The following SEM1 variants were observed in gnomAD, a reference collection of about 807,000 sequenced individuals.
SEM1 encodes 26S proteasome complex subunit SEM1.
Under a neutral mutation model 12.7 loss-of-function variants are expected in SEM1, and 3 were observed. The observed-to-expected ratio is 0.24, with a 90% CI of 0.11 to 0.61. The LOEUF (loss-of-function observed/expected upper bound fraction) is 0.61. SEM1 is among the 20% of genes least tolerant of loss of function. SEM1 has a pLI of 0.88. For synonymous variants in SEM1, 30 were observed against 27.8 expected (o/e 1.08, Z -0.25); for missense variants, 59 against 81.3 (o/e 0.73, Z 1.06).
intron 2 of SEM1, among the ~76,000 whole-genome samples, chr7:96,584,813 C>T (rs1326538629): frequency 2.0e-5 from 3 of 151,974 alleles, no homozygotes; most frequent in Non-Finnish European, 4.4e-5. Flanking sequence ...TGGTTTTCAG[C>T]TCCATCAGCT....
downstream of SEM1, among the ~76,000 whole-genome samples, chr7:96,620,639 A>G (rs1192523382): frequency 6.6e-6 from 1 of 152,094 alleles, no homozygotes; most frequent in Non-Finnish European, 1.5e-5. Flanking sequence ...AGCTGTCGCA[A>G]ACTCTCTCCT....
chr7:96,643,152 T>A (rs990806544), intron 2 of SEM1, among the ~76,000 whole-genome samples: 4 of 152,006 alleles, frequency 2.6e-5, no homozygotes, highest in African/African-American at 9.7e-5. Flanking sequence ...CACATATGTG[T>A]CCATGTGTTC....
At chr7:96,589,541 G>C (rs1806762167) in intron 2 of SEM1, among the ~76,000 whole-genome samples, 1 of 152,112 alleles carries the variant, frequency 6.6e-6, no homozygotes, top group South Asian at 2.1e-4. Flanking sequence ...CCCACCTGCT[G>C]CCACTGCTGA....
intron 2 of SEM1, chr7:96,664,127 T>G (rs986464782): frequency 1.3e-5 from 2 of 152,218 alleles, no homozygotes; most frequent in Admixed American, 6.5e-5. Flanking sequence ...GTTATATATC[T>G]GTTTGCTTTC....
chr7:96,619,965 C>T (rs1316858606), downstream of SEM1, among the ~76,000 whole-genome samples: 1 of 152,112 alleles, frequency 6.6e-6, no homozygotes, highest in Admixed American at 6.5e-5. Context: ...CCCTCCCAAG[C>T]AGGTAGCATG....
intron 2 of SEM1, among the ~76,000 whole-genome samples, chr7:96,665,996 T>C (rs1444705464): frequency 6.6e-6 from 1 of 152,192 alleles, no homozygotes; most frequent in Non-Finnish European, 1.5e-5. Context: ...CAAGTTCATA[T>C]GACTTCAAGT....
At chr7:96,703,972 AAC>A (rs67174798) in intron 1 of SEM1, among the ~76,000 whole-genome samples, 9,334 of 142,068 alleles carry the variant, frequency 0.066, 407 homozygotes, top group South Asian at 0.15. Context: ...GTCTCTTAAA[AAC>A]ACACACACAC....
chr7:96,595,972 C>A (rs997010680), intron 2 of SEM1, among the ~76,000 whole-genome samples: 3 of 152,236 alleles, frequency 2.0e-5, no homozygotes, highest in Admixed American at 6.5e-5. Context: ...AGCTATGCAG[C>A]CTTTGCAGGC....
At chr7:96,594,461 A>G (rs575331396) in intron 2 of SEM1, among the ~76,000 whole-genome samples, 1 of 152,118 alleles carries the variant, frequency 6.6e-6, no homozygotes, top group Non-Finnish European at 1.5e-5. Flanking sequence ...TTGAATGACT[A>G]TGTCTTTGGC....
At chr7:96,529,679 AG>A (rs1362415987) in intron 2 of SEM1, among the ~76,000 whole-genome samples, 3 of 152,164 alleles carry the variant, frequency 2.0e-5, no homozygotes, top group African/African-American at 7.2e-5. Context: ...AGTACAGAAA[AG>A]TCTCATTTCT....
chr7:96,644,945 T>G (rs190419497), intron 2 of SEM1, among the ~76,000 whole-genome samples: 1 of 152,100 alleles, frequency 6.6e-6, no homozygotes, highest in African/African-American at 2.4e-5. Flanking sequence ...ATTCCAAGAG[T>G]TTTTATATAC....
chr7:96,501,828 C>T (rs542447030), intron 3 of SEM1, among the ~76,000 whole-genome samples: 1 of 152,250 alleles, frequency 6.6e-6, no homozygotes, highest in Non-Finnish European at 1.5e-5. Flanking sequence ...CACCCAGGTA[C>T]TGAATGTAGT....
At chr7:96,587,305 A>C (rs1372536525) in intron 2 of SEM1, among the ~76,000 whole-genome samples, 1 of 152,180 alleles carries the variant, frequency 6.6e-6, no homozygotes, top group East Asian at 1.9e-4. Flanking sequence ...TATTTTGGGC[A>C]CTAATTTCCA....
At chr7:96,485,990 T>C (rs1802738728) in intron 2 of SEM1, among the ~76,000 whole-genome samples, 1 of 152,096 alleles carries the variant, frequency 6.6e-6, no homozygotes, top group Non-Finnish European at 1.5e-5. Context: ...GTTTTTCTGA[T>C]ATGTGATAAG....
downstream of SEM1, among the ~76,000 whole-genome samples, chr7:96,617,798 T>A (rs1807765943): frequency 6.6e-6 from 1 of 152,328 alleles, no homozygotes; most frequent in South Asian, 2.1e-4. Flanking sequence ...GAGATTATCA[T>A]ATATTTTTTG....
At chr7:96,578,989 T>C (rs1450602757) in intron 2 of SEM1, among the ~76,000 whole-genome samples, 1 of 152,186 alleles carries the variant, frequency 6.6e-6, no homozygotes, top group Non-Finnish European at 1.5e-5. Context: ...GTCACAATTA[T>C]GCCTTATGAG....
chr7:96,668,260 T>C (rs918554136), intron 2 of SEM1, among the ~76,000 whole-genome samples: 3 of 152,216 alleles, frequency 2.0e-5, no homozygotes, highest in Non-Finnish European at 4.4e-5. Context: ...TTTGTACGGC[T>C]GTCACTTCTG....
chr7:96,588,904 A>T (rs577348745), intron 2 of SEM1, among the ~76,000 whole-genome samples: 2 of 152,256 alleles, frequency 1.3e-5, no homozygotes, highest in African/African-American at 4.8e-5. Flanking sequence ...GCACATGGGT[A>T]TATGTAAACC....
At chr7:96,537,251 T>C (rs1804813993) in intron 2 of SEM1, among the ~76,000 whole-genome samples, 1 of 151,754 alleles carries the variant, frequency 6.6e-6, no homozygotes. Flanking sequence ...CTTATCTATA[T>C]GTTATAATCA....
Sources: allele counts gnomAD v4.1 joint callset (sites outside exome capture counted in the v4.1 genomes callset), GRCh38; gene constraint gnomAD v4.1.1; transcripts MANE v1.5; gene names NCBI Gene and HGNC (gene_info 2026-07-23, HGNC 2026-07-21).